Variants in LIPA observed in about 807,000 individuals in gnomAD.
LIPA encodes the protein lysosomal acid lipase/cholesteryl ester hydrolase.
In LIPA, 26 loss-of-function variants were observed where a neutral mutation model predicts 40.6. That is an observed-to-expected ratio of 0.64 (90% confidence interval 0.47 to 0.89). LIPA has a LOEUF of 0.89. LIPA is among the 40% of genes least tolerant of loss of function. LIPA has a pLI of 0.00. For missense variants in LIPA, 455 were observed against 479.6 expected, an observed-to-expected ratio of 0.95 and a Z score of 0.48; for synonymous variants, 188 against 168.4, an observed-to-expected ratio of 1.12 and a Z score of -0.90.
intron 1 of LIPA, among the ~76,000 whole-genome samples, chr10:89,281,424 AAT>A (rs1843314032): frequency 6.6e-6 from 1 of 152,224 alleles, no homozygotes; most frequent in South Asian, 2.1e-4. Context: ...CCCATATTGC[AAT>A]AGTCTGTCTC....
chr10:89,316,530 C>T (rs908014304), intron 1 of LIPA, among the ~76,000 whole-genome samples: 4 of 152,208 alleles, frequency 2.6e-5, no homozygotes, highest in African/African-American at 9.6e-5. Context: ...GGGGCGCCCA[C>T]CATTGCTGAG....
chr10:89,235,804 G>C (rs1842898095), intron 3 of LIPA, among the ~76,000 whole-genome samples: 1 of 152,248 alleles, frequency 6.6e-6, no homozygotes, highest in Non-Finnish European at 1.5e-5. Flanking sequence ...TGTAGGATTT[G>C]CTCAACTCTC....
At chr10:89,339,224 A>C (rs1198456823) in intron 1 of LIPA, 1 of 1,614,152 alleles carries the variant, frequency 6.2e-7, no homozygotes, top group Non-Finnish European at 8.5e-7. Flanking sequence ...CCAGAGAAAC[A>C]GTTCTCTACT....
intron 6 of LIPA, 32 bp downstream of exon 6, chr10:89,225,060 G>A: frequency 6.2e-7 from 1 of 1,611,756 alleles, no homozygotes; most frequent in Non-Finnish European, 8.5e-7. Flanking sequence ...AAATCTGCGG[G>A]GAGAGGAGAG....
In LIPA at chr10:89,248,443, TATTTATTTATTTA is replaced by T. The variant is rs1379761590; in HGVS notation, c.-1-807_-1-795del. On this transcript the variant is annotated intron_variant, in intron 1 of 9. Coordinates refer to ENST00000336233, the MANE Select transcript of LIPA (RefSeq NM_000235.4). The stretch of plus-strand genomic sequence containing the variant: ...AGGAATTATTATTATTATTATTTTA[TATTTATTTATTTA>T]TTTATTTATTTATTTATTTATTTAT... Among the ~76,000 whole-genome samples, 71 of 33,200 alleles carry T rather than the reference TATTTATTTATTTA, an allele frequency of 2.1e-3. 1 individual carries two copies. The highest frequency in any genetic ancestry group is 7.5e-3 in the African/African-American group (53 of 7,042). The allele number at this position is 33,200 out of a possible 152,430, so 21.8% of individuals were successfully genotyped here. A position where few individuals can be genotyped will look rare whatever the true frequency, so the allele number is the denominator to read the frequency against.
intron 2 of LIPA, among the ~76,000 whole-genome samples, chr10:89,354,577 G>GT (rs1843979577): frequency 1.3e-5 from 2 of 152,100 alleles, no homozygotes; most frequent in South Asian, 4.1e-4. Flanking sequence ...TCTTGTTTTT[G>GT]TTTTTTCTGA....
rs986645760 is a variant in LIPA at position 89,393,470 on chromosome 10, T to C, written c.61+19321A>G. The C allele has an allele frequency of 8.6e-5, 36 of 416,250 alleles. 1 individual carries two copies. Among genetic ancestry groups the C allele is most frequent in the Middle Eastern group, 1.8e-3 (2 of 1,124 alleles). 25.8% of individuals were successfully genotyped at this position (416,250 alleles called of 1,614,324 possible). A position where few individuals can be genotyped will look rare whatever the true frequency, so the allele number is the denominator to read the frequency against. ...TACTTAGGCCGGGCAAGGGGGCTCA[T>C]GCTTGTAATCCCAGCACTTTGGGAG... On this transcript the variant is annotated intron_variant, in intron 2 of 8. Transcript: ENST00000371837.
upstream of LIPA, among the ~76,000 whole-genome samples, chr10:89,254,772 G>A (rs2133483369): frequency 6.6e-6 from 1 of 152,268 alleles, no homozygotes; most frequent in African/African-American, 2.4e-5. Flanking sequence ...CCATTTCAAT[G>A]TTTTACTGCT....
chr10:89,401,196 A>C (rs946209851), intron 2 of LIPA, among the ~76,000 whole-genome samples: 52 of 151,448 alleles, frequency 3.4e-4, no homozygotes, highest in Middle Eastern at 3.2e-3. Flanking sequence ...AGCTCACTGC[A>C]ACCTCTGCCT....
At position 89,245,748 on chromosome 10, in the gene LIPA, C is replaced by G. The variant is rs774784221; in HGVS notation, c.157G>C (p.Val53Leu). The change falls in exon 3 of 10, where the codon GTT becomes CTT. Residue 53 changes from valine (V) to leucine (L), a missense_variant. By Grantham distance (32) the Val-to-Leu change is conservative. Coordinates refer to ENST00000336233, the MANE Select transcript of LIPA (RefSeq NM_000235.4). The stretch of plus-strand genomic sequence containing the variant: ...AGAATATATCCATCTTCTGTCTCAA[C>G]TAGGTATTCCTCACTAGGGAATCCC... ...YWGFPSEEYL[V>L]ETEDGYILCL... is the part of the protein sequence containing the mutation. The G allele has an allele frequency of 1.2e-6, 2 of 1,603,822 alleles. No homozygotes were observed. Among genetic ancestry groups the G allele is most frequent in the Non-Finnish European group, 1.7e-6 (2 of 1,170,664 alleles).
At chr10:89,383,856 C>T (rs746271112) in intron 2 of LIPA, 17 of 1,614,052 alleles carry the variant, frequency 1.1e-5, no homozygotes, top group South Asian at 5.5e-5. Context: ...ATACTGGGTA[C>T]GCAATCACCG....
Position 89,245,805 on chromosome 10 carries a change from A to G in LIPA, c.112-12T>C. The G allele has an allele frequency of 1.5e-6, 2 of 1,345,346 alleles. No homozygotes were observed. The highest frequency in any genetic ancestry group is 2.1e-6 in the Non-Finnish European group (2 of 934,738). 83.3% of individuals were successfully genotyped at this position (1,345,346 alleles called of 1,614,324 possible). ...GAGATAATTTCACTCTGTAGAGAAA[A>G]AGGACGATGGAAATTGGGTGGACAG... is the stretch of plus-strand genomic sequence containing the variant. On this transcript the variant is annotated splice_polypyrimidine_tract_variant and intron_variant, in intron 2 of 9. Transcript: ENST00000336233.
chr10:89,392,465 T>TTCCCCCCC, intron 2 of LIPA: 1 of 346,816 alleles, frequency 2.9e-6, no homozygotes, highest in Non-Finnish European at 4.8e-6. Context: ...CAAAGTTTCA[T>TTCCCCCCC]TCCCCACCCC....
intron 2 of LIPA, among the ~76,000 whole-genome samples, chr10:89,386,938 G>C (rs1844213650): frequency 7.7e-6 from 1 of 129,534 alleles, no homozygotes; most frequent in African/African-American, 3.5e-5. Flanking sequence ...TGAGTCTGTG[G>C]GTATATGAGT....
chr10:89,231,897 G>T (rs1358614725), intron 3 of LIPA, among the ~76,000 whole-genome samples: 2 of 152,146 alleles, frequency 1.3e-5, no homozygotes, highest in Non-Finnish European at 2.9e-5. Context: ...GCTCATCTTT[G>T]CCTTCAAAGG....
chr10:89,356,554 C>T (rs542457143), intron 2 of LIPA, among the ~76,000 whole-genome samples: 3 of 152,194 alleles, frequency 2.0e-5, no homozygotes, highest in South Asian at 2.1e-4. Context: ...ACTCTGCATC[C>T]GATGAACCTA....
intron 1 of LIPA, among the ~76,000 whole-genome samples, chr10:89,313,713 T>G (rs570003592): frequency 6.6e-6 from 1 of 152,282 alleles, no homozygotes; most frequent in African/African-American, 2.4e-5. Flanking sequence ...CAAAAATAAG[T>G]GAAGTACTTA....
At chr10:89,339,135 G>A in intron 1 of LIPA, 1 of 1,614,100 alleles carries the variant, frequency 6.2e-7, no homozygotes. Context: ...TGTGTTTTGA[G>A]AAGGCTCTGG....
chr10:89,306,801 A>T, intron 1 of LIPA: 1 of 1,613,996 alleles, frequency 6.2e-7, no homozygotes, highest in Middle Eastern at 1.7e-4. Flanking sequence ...AACAATGCCT[A>T]CCTGCATTGC....
Sources: gnomAD v4.1 joint callset for allele counts (sites outside exome capture counted in the v4.1 genomes callset) on GRCh38, gnomAD v4.1.1 for gene constraint, MANE v1.5 for transcripts, NCBI Gene and HGNC (gene_info 2026-07-23, HGNC 2026-07-21) for gene names.